Variants in TBC1D9 observed in about 807,000 individuals in gnomAD.
The protein encoded by TBC1D9 is TBC1 domain family member 9A.
A neutral mutation model predicts 132.0 loss-of-function variants in TBC1D9; 63 were observed. The observed-to-expected ratio is 0.48, with a 90% confidence interval of 0.39 to 0.59. TBC1D9 has a LOEUF of 0.59. Among genes scored for constraint, TBC1D9 ranks in the 20% least tolerant of loss-of-function variants. TBC1D9 has a pLI of 0.00. For synonymous variants in TBC1D9, 610 were observed against 609.9 expected (o/e 1.00, Z 0.00); for missense variants, 1,261 against 1,592.7 (o/e 0.79, Z 3.54).
intron 2 of TBC1D9, among the ~76,000 whole-genome samples, chr4:140,700,110 A>G (rs115228451): frequency 0.024 from 3,692 of 152,090 alleles, 94 homozygotes; most frequent in Admixed American, 0.061. Context: ...TAGGCTGGGC[A>G]ACACAGAGAG....
At position 140,756,110 on chromosome 4, in the gene TBC1D9, G is replaced by GACAGGCGCGCACTCCTGGGC; in HGVS notation, c.-85_-66dup. ...GGTCCAGTCCTGCACCCACCACCGC[G>GACAGGCGCGCACTCCTGGGC]ACAGGCGCGCACTCCTGGGCACACG... On this transcript the variant is annotated 5_prime_UTR_variant, in exon 1 of 21. Coordinates refer to ENST00000442267, the MANE Select transcript of TBC1D9 (RefSeq NM_015130.3). The surrounding 1 kb of genome is among the most constrained non-coding windows in gnomAD (Gnocchi z 5.6). 7.0e-7 allele frequency: 1 copy of GACAGGCGCGCACTCCTGGGC among 1,437,302 alleles called. No homozygotes were observed. Among genetic ancestry groups the GACAGGCGCGCACTCCTGGGC allele is most frequent in the Non-Finnish European group, 9.3e-7 (1 of 1,071,676 alleles). 89.0% of individuals were successfully genotyped at this position (1,437,302 alleles called of 1,614,324 possible).
Position 140,623,034 on chromosome 4 carries a change from C to A in TBC1D9, c.3079-117G>T, listed in dbSNP as rs112318303. 5.5e-4 allele frequency: 702 copies of A among 1,272,740 alleles called. 3 individuals carry two copies. In the African/African-American group the frequency reaches 9.5e-3, roughly 17 times the overall value. 78.8% of individuals were successfully genotyped at this position (1,272,740 alleles called of 1,614,324 possible). Reference sequence around the variant, plus strand: ...GCCTAAAGATCCCTGGAAAGTCCTCCGCCTAGGCTGGATGGACATGTTTAA... The same window carrying A: ...GCCTAAAGATCCCTGGAAAGTCCTCAGCCTAGGCTGGATGGACATGTTTAA... On this transcript the variant is annotated intron_variant, in intron 20 of 20. Transcript: ENST00000442267.
intron 1 of TBC1D9, 146 bp downstream of exon 1, chr4:140,755,770 C>T (rs1287589493): frequency 1.6e-6 from 2 of 1,283,648 alleles, no homozygotes; most frequent in Non-Finnish European, 2.0e-6. Flanking sequence ...AACATCACGA[C>T]TCTCGATGCC....
chr4:140,659,763 A>G (rs1014306217), intron 10 of TBC1D9, 58 bp from the exon 11 acceptor site: 11 of 1,209,208 alleles, frequency 9.1e-6, no homozygotes, highest in Non-Finnish European at 1.2e-5. Flanking sequence ...CAATTCTGTT[A>G]GCATATTAAA....
At chr4:140,639,489 T>A in intron 13 of TBC1D9, 61 bp from the exon 14 acceptor site, 1 of 1,176,250 alleles carries the variant, frequency 8.5e-7, no homozygotes, top group Non-Finnish European at 1.2e-6. Flanking sequence ...ATGTCCTGTC[T>A]GCAGAATGCC....
In TBC1D9 at chr4:140,657,759, G is replaced by A; in HGVS notation, c.1975C>T (p.Gln659Ter). The A allele has an allele frequency of 6.2e-7, 1 of 1,614,034 alleles. No homozygotes were observed. Among genetic ancestry groups the A allele is most frequent in the Non-Finnish European group, 8.5e-7 (1 of 1,179,904 alleles). Reference sequence around the variant, plus strand: ...AGGTCTTGCATGCAGTCGTACAGCTGTGGGACGTAGTCTCGTGCTAGCTCC... The same window carrying A: ...AGGTCTTGCATGCAGTCGTACAGCTATGGGACGTAGTCTCGTGCTAGCTCC... ...FEELARDYVP[Q>*]LYDCMQDLGV... Residue 659 changes from glutamine to a stop codon, truncating the protein, a stop_gained, in exon 12 of 21, where the codon CAG becomes TAG. Transcript: ENST00000442267. LOFTEE classifies it high-confidence loss of function.
rs565848154 is a variant in TBC1D9, at chr4:140,624,375, A to G, written c.2913T>C (p.Asp971=). 1.7e-5 allele frequency: 28 copies of G among 1,613,554 alleles called. No homozygotes were observed. The African/African-American group carries it at 2.8e-4, about 16-fold the overall frequency. Residue 971 remains aspartate (D), a synonymous_variant, in exon 19 of 21, where the codon GAT becomes GAC. Transcript: ENST00000442267. ...TPECTHVVGL[D]SRSKQGADDG... is the part of the protein sequence containing the mutation. ...CATCTGCACCCTGTTTGCTTCTGCT[A>G]TCCAATCCAACAACTACCAAGAAAT...
intron 13 of TBC1D9, chr4:140,644,435 C>A (rs942701846): frequency 1.4e-5 from 4 of 295,888 alleles, no homozygotes; most frequent in African/African-American, 4.7e-5. Context: ...CCATGGGGGA[C>A]GCGCGGGGCG....
intron 1 of TBC1D9, among the ~76,000 whole-genome samples, chr4:140,746,628 G>A (rs1738840351): frequency 6.6e-6 from 1 of 152,144 alleles, no homozygotes; most frequent in South Asian, 2.1e-4. Flanking sequence ...TGAAGGAAGA[G>A]CAAAGGGACG....
intron 13 of TBC1D9, among the ~76,000 whole-genome samples, chr4:140,649,572 G>A (rs1737155978): frequency 6.6e-6 from 1 of 152,172 alleles, no homozygotes; most frequent in African/African-American, 2.4e-5. Context: ...CATTACAGGA[G>A]GCAGAGCCCA....
intron 6 of TBC1D9, among the ~76,000 whole-genome samples, chr4:140,676,566 T>A (rs1180012578): frequency 6.6e-6 from 1 of 152,168 alleles, no homozygotes; most frequent in Admixed American, 6.5e-5. Flanking sequence ...GGCAGGAGAA[T>A]CGCTTGAACC....
chr4:140,642,418 C>A, intron 13 of TBC1D9: 1 of 880,600 alleles, frequency 1.1e-6, no homozygotes, highest in South Asian at 1.4e-5. Context: ...CAGCACCTTC[C>A]TGTCCTTGCC....
At chr4:140,624,521 ACTCCTC>A in intron 18 of TBC1D9, 133 bp from the exon 19 acceptor site, 1 of 698,002 alleles carries the variant, frequency 1.4e-6, no homozygotes, top group Non-Finnish European at 2.3e-6. Context: ...ACAAAAAAAA[ACTCCTC>A]AAAACAAAAC....
intron 13 of TBC1D9, among the ~76,000 whole-genome samples, chr4:140,639,649 G>A (rs553989372): frequency 6.6e-6 from 1 of 152,328 alleles, no homozygotes; most frequent in East Asian, 1.9e-4. Flanking sequence ...TTAAATTTCA[G>A]AGTCAAATGT....
At chr4:140,627,412 T>C (rs377019428) in intron 18 of TBC1D9, 29 bp downstream of exon 18, 224 of 1,406,262 alleles carry the variant, frequency 1.6e-4, no homozygotes, top group Admixed American at 2.1e-4. Context: ...AAAACAAATA[T>C]AGTATCTTTG....
chr4:140,735,254 G>C (rs1472208454), intron 1 of TBC1D9, among the ~76,000 whole-genome samples: 1 of 152,018 alleles, frequency 6.6e-6, no homozygotes, highest in Admixed American at 6.6e-5. Context: ...TGCCCACTCT[G>C]CATAACCATT....
chr4:140,697,766 G>A (rs535707672), intron 2 of TBC1D9, among the ~76,000 whole-genome samples: 3 of 152,220 alleles, frequency 2.0e-5, no homozygotes, highest in Non-Finnish European at 2.9e-5. Context: ...GAGTAGTAAC[G>A]TCAGGCAGTG....
chr4:140,633,945 T>C lies in TBC1D9; in HGVS notation c.2746+3A>G. On this transcript the variant is annotated splice_donor_region_variant and intron_variant, in intron 16 of 20. Coordinates refer to ENST00000442267, the MANE Select transcript of TBC1D9 (RefSeq NM_015130.3). ...AACTCATGCAATAGTACCACGTCCT[T>C]ACTTAGCCCAGAGACAAACTCCCGG... 6.2e-7 allele frequency: 1 copy of C among 1,613,878 alleles called. No individual in the cohort carries two copies. The highest frequency in any genetic ancestry group is 8.5e-7 in the Non-Finnish European group (1 of 1,179,876).
intron 6 of TBC1D9, among the ~76,000 whole-genome samples, chr4:140,673,297 T>A (rs1737566562): frequency 6.6e-6 from 1 of 152,228 alleles, no homozygotes; most frequent in Non-Finnish European, 1.5e-5. Context: ...AGAATGTGTG[T>A]TAAAAACCTC....
Sources: gnomAD v4.1 joint callset for allele counts (sites outside exome capture counted in the v4.1 genomes callset) on GRCh38, gnomAD v4.1.1 for gene constraint, Gnocchi (gnomAD v3.1) non-coding constraint, MANE v1.5 for transcripts, NCBI Gene and HGNC (gene_info 2026-07-23, HGNC 2026-07-21) for gene names.